The following KCNH1 variants were observed in gnomAD, a reference collection of about 807,000 sequenced individuals.
KCNH1 encodes the protein potassium voltage-gated channel subfamily H member 1.
Under a neutral mutation model 69.2 loss-of-function variants are expected in KCNH1, and 27 were observed. The ratio of observed to expected loss-of-function variants is 0.39; its 90% CI spans 0.29 to 0.54. KCNH1 has a LOEUF of 0.54. Among genes scored for constraint, KCNH1 ranks in the 20% least tolerant of loss-of-function variants. KCNH1 has a pLI of 0.68. For synonymous variants in KCNH1, 456 were observed against 487.7 expected, an observed-to-expected ratio of 0.93 and a Z score of 0.86; for missense variants, 798 against 1,261.6, an observed-to-expected ratio of 0.63 and a Z score of 5.57.
chr1:210,861,200 T>C, intron 7 of KCNH1: 1 of 972,214 alleles, frequency 1.0e-6, no homozygotes, highest in Non-Finnish European at 1.7e-6. Context: ...AGCATCTGTA[T>C]AACACATCAA....
At chr1:211,096,643 T>C (rs568354901) in intron 3 of KCNH1, among the ~76,000 whole-genome samples, 1 of 152,246 alleles carries the variant, frequency 6.6e-6, no homozygotes, top group Non-Finnish European at 1.5e-5. Flanking sequence ...AGAGTTGAAT[T>C]GTTTGTAGGT....
At chr1:210,917,906 T>A (rs1687381763) in intron 7 of KCNH1, among the ~76,000 whole-genome samples, 2 of 152,186 alleles carry the variant, frequency 1.3e-5, no homozygotes, top group African/African-American at 2.4e-5. Context: ...CTAATTAAGA[T>A]GAAGCAATTA....
At chr1:210,895,403 T>C (rs1237815880) in intron 7 of KCNH1, among the ~76,000 whole-genome samples, 1 of 152,190 alleles carries the variant, frequency 6.6e-6, no homozygotes, top group African/African-American at 2.4e-5. Context: ...GCTACCTTTT[T>C]CCATTGCCTC....
At chr1:210,996,652 G>C (rs764018878) in intron 6 of KCNH1, among the ~76,000 whole-genome samples, 2 of 152,208 alleles carry the variant, frequency 1.3e-5, no homozygotes, top group Non-Finnish European at 2.9e-5. Context: ...CTCCCAGCAC[G>C]CAGCTGGAGA....
chr1:210,975,674 C>A (rs1444449392), intron 6 of KCNH1, among the ~76,000 whole-genome samples: 5 of 152,194 alleles, frequency 3.3e-5, no homozygotes, highest in African/African-American at 1.2e-4. Flanking sequence ...CAACACCATT[C>A]AGGACATGGG....
At chr1:210,899,150 A>T (rs1558517037) in intron 7 of KCNH1, among the ~76,000 whole-genome samples, 1 of 152,212 alleles carries the variant, frequency 6.6e-6, no homozygotes, top group Non-Finnish European at 1.5e-5. Flanking sequence ...TACATTCAAA[A>T]TTATTTCCCT....
intron 6 of KCNH1, among the ~76,000 whole-genome samples, chr1:210,986,951 A>C (rs1376403924): frequency 6.6e-6 from 1 of 152,158 alleles, no homozygotes; most frequent in African/African-American, 2.4e-5. Flanking sequence ...CTTTTCACAT[A>C]GTCCCATGTT....
chr1:210,976,965 C>G (rs536354319), intron 6 of KCNH1, among the ~76,000 whole-genome samples: 3 of 151,310 alleles, frequency 2.0e-5, no homozygotes, highest in Admixed American at 1.3e-4. Context: ...GGTATATACC[C>G]AAAGGATTAT....
chr1:210,792,163 G>C (rs1484547606), intron 9 of KCNH1, among the ~76,000 whole-genome samples: 1 of 152,046 alleles, frequency 6.6e-6, no homozygotes, highest in Non-Finnish European at 1.5e-5. Flanking sequence ...CTACTTCCCA[G>C]AGGTTCTCCC....
At chr1:210,858,161 G>A (rs533021184) in intron 7 of KCNH1, 1 of 152,086 alleles carries the variant, frequency 6.6e-6, no homozygotes, top group Non-Finnish European at 1.5e-5. Context: ...TTGCATATAT[G>A]GGTGTTTAGC....
intron 10 of KCNH1, among the ~76,000 whole-genome samples, chr1:210,742,828 G>C (rs1382898930): frequency 1.3e-5 from 2 of 152,056 alleles, no homozygotes; most frequent in African/African-American, 4.8e-5. Context: ...AGGAGGCTCA[G>C]TTCATGGTGT....
At chr1:210,832,049 C>T (rs958159187) in intron 7 of KCNH1, among the ~76,000 whole-genome samples, 2 of 152,078 alleles carry the variant, frequency 1.3e-5, no homozygotes, top group African/African-American at 4.8e-5. Flanking sequence ...GATTTAGGGA[C>T]ATTTCTCATG....
chr1:211,099,102 C>A (rs541152633), intron 3 of KCNH1, among the ~76,000 whole-genome samples: 48 of 152,138 alleles, frequency 3.2e-4, no homozygotes, highest in African/African-American at 1.2e-3. Flanking sequence ...ATAGAGGAAA[C>A]ATTAATAAAA....
At chr1:210,884,904 C>G (rs902908205) in intron 7 of KCNH1, among the ~76,000 whole-genome samples, 6 of 152,206 alleles carry the variant, frequency 3.9e-5, no homozygotes, top group African/African-American at 1.2e-4. Flanking sequence ...CAATGGCCTA[C>G]TGTGAGTCAA....
chr1:210,933,100 C>T (rs976042527), intron 6 of KCNH1, among the ~76,000 whole-genome samples: 2 of 152,172 alleles, frequency 1.3e-5, no homozygotes, highest in African/African-American at 4.8e-5. Flanking sequence ...ATAGCAAAGA[C>T]TTGGAACCAA....
intron 7 of KCNH1, among the ~76,000 whole-genome samples, chr1:210,905,961 C>A (rs1018932005): frequency 1.3e-5 from 2 of 152,174 alleles, no homozygotes; most frequent in Admixed American, 1.3e-4. Context: ...CTTAGTCCAG[C>A]GTAAAGCCCT....
At chr1:210,775,618 T>A in intron 9 of KCNH1, 74 bp from the exon 10 acceptor site, 1 of 1,119,808 alleles carries the variant, frequency 8.9e-7, no homozygotes, top group Non-Finnish European at 1.3e-6. Flanking sequence ...TTCCCTCTAT[T>A]CCCCAGAATT....
intron 9 of KCNH1, among the ~76,000 whole-genome samples, chr1:210,796,150 G>T (rs1178363918): frequency 4.7e-5 from 4 of 85,688 alleles, no homozygotes; most frequent in East Asian, 2.6e-4. Flanking sequence ...GCAAGATTCC[G>T]TCTCAAAAAA....
chr1:210,909,517 T>A (rs1687182977), intron 7 of KCNH1, among the ~76,000 whole-genome samples: 1 of 152,250 alleles, frequency 6.6e-6, no homozygotes, highest in Admixed American at 6.5e-5. Flanking sequence ...CCTTCATTTA[T>A]GCCATTTAAT....
Sources: allele counts gnomAD v4.1 joint callset (sites outside exome capture counted in the v4.1 genomes callset), GRCh38; gene constraint gnomAD v4.1.1; transcripts MANE v1.5; gene names NCBI Gene and HGNC (gene_info 2026-07-23, HGNC 2026-07-21).